The following FGA variants were observed in gnomAD, a reference collection of about 807,000 sequenced individuals.
FGA encodes the protein fibrinogen, A alpha polypeptide.
Under a neutral mutation model 20.3 loss-of-function variants are expected in FGA, and 20 were observed. The ratio of observed to expected loss-of-function variants is 0.99; its 90% CI spans 0.69 to 1.43. The LOEUF (loss-of-function observed/expected upper bound fraction) is 1.43. Among genes scored for constraint, FGA ranks in the 40% most tolerant of loss-of-function variants. The pLI is 0.00. For synonymous variants in FGA, 306 were observed against 281.6 expected (o/e 1.09, Z -0.87); for missense variants, 777 against 784.7 (o/e 0.99, Z 0.12).
At chr4:154,584,592 A>G (rs781425357), downstream of FGA, 10 of 1,613,974 alleles carry the variant, frequency 6.2e-6, no homozygotes, top group Admixed American at 1.2e-4. Context: ...GGAGGTAGTC[A>G]TTGCCTAGCC....
chr4:154,585,564 C>T lies in FGA; in HGVS notation c.1865G>A (p.Gly622Asp). The change falls in exon 5 of 5, where the codon GGC becomes GAC. Residue 622 changes from glycine (G) to aspartate (D), a missense_variant. Transcript: ENST00000403106. ...DHEGTHSTKRGHAKSRPVRGI... is the reference protein window; with the variant it reads ...DHEGTHSTKRDHAKSRPVRGI... ...TCTGACAGGGCGAGATTTAGCATGG[C>T]CTCTCTTGGTGCTATGTGTTCCTTC... 1.2e-6 allele frequency: 2 copies of T among 1,614,134 alleles called. No homozygotes were observed. Among genetic ancestry groups the T allele is most frequent in the Non-Finnish European group, 1.7e-6 (2 of 1,180,002 alleles).
chr4:154,586,943 G>T, intron 4 of FGA, 25 bp from the exon 5 acceptor site: 1 of 1,608,022 alleles, frequency 6.2e-7, no homozygotes, highest in South Asian at 1.1e-5. Context: ...GAAAAATAAA[G>T]AGAAAATGTA....
chr4:154,590,432 C>T (rs1430406064), intron 1 of FGA, among the ~76,000 whole-genome samples: 2 of 152,190 alleles, frequency 1.3e-5, no homozygotes, highest in African/African-American at 4.8e-5. Flanking sequence ...TGTACACTCT[C>T]ATCCATCTAA....
downstream of FGA, chr4:154,584,117 C>A: frequency 6.2e-7 from 1 of 1,607,658 alleles, no homozygotes; most frequent in Non-Finnish European, 8.5e-7. Context: ...ATTCCCACTT[C>A]TTCAGCCTAT....
chr4:154,590,569 C>G, intron 1 of FGA, 65 bp downstream of exon 1: 1 of 1,352,664 alleles, frequency 7.4e-7, no homozygotes, highest in Admixed American at 2.0e-5. Context: ...AGACTCTGAC[C>G]TCCAGGCTCT....
Position 154,585,933 on chromosome 4 carries a change from GTGCCTAAATCCAT to G in FGA, c.1483_1495del (p.Met495HisfsTer5). 1.5e-5 allele frequency: 25 copies of G among 1,614,134 alleles called. No homozygotes were observed. The highest frequency in any genetic ancestry group is 2.0e-5 in the Non-Finnish European group (24 of 1,179,994). ...ATCCAGAGTACCTATGCCAGACAATGTGCCTAAATCCATTGCCTCGGGACAGTCAGAACCATCT... is the reference window on the plus strand; with the variant it reads ...ATCCAGAGTACCTATGCCAGACAATGTGCCTCGGGACAGTCAGAACCATCT... On this transcript the variant is annotated frameshift_variant, in exon 5 of 5. Transcript: ENST00000403106. LOFTEE classifies it low-confidence loss of function (END_TRUNC).
Position 154,585,841 on chromosome 4 carries a change from G to A in FGA, c.1588C>T (p.Pro530Ser), listed in dbSNP as rs2110809145. ...CCTAACATAGGTGAGAAGAAACCTG[G>A]GAATGTTTTTCCAGTTGAGGCAGTG... ...FDTASTGKTF[P>S]GFFSPMLGEF... Residue 530 changes from proline (P) to serine (S), a missense_variant, in exon 5 of 5, where the codon CCA (proline) becomes TCA (serine). Physicochemically the swap from Pro to Ser is moderately conservative, Grantham distance 74. Transcript: ENST00000403106. 6.2e-7 allele frequency: 1 copy of A among 1,614,092 alleles called. No homozygotes were observed. Among genetic ancestry groups the A allele is most frequent in the Admixed American group, 1.7e-5 (1 of 60,010 alleles).
chr4:154,586,649 C>T lies in FGA; in HGVS notation c.780G>A (p.Glu260=), dbSNP rs145563362. The part of the protein sequence containing the change: ...ALTDMPQMRM[E]LERPGGNEIT... ...TCTCATTTCCACCAGGTCTCTCTAA[C>T]TCCATTCTCATCTGCGGCATGTCTG... is the stretch of plus-strand genomic sequence containing the variant. The change falls in exon 5 of 5, where the codon GAG becomes GAA. Residue 260 remains glutamate (E), a synonymous_variant. Coordinates refer to ENST00000403106, the MANE Select transcript of FGA (RefSeq NM_021871.4). 3.9e-4 allele frequency: 625 copies of T among 1,614,232 alleles called. 2 individuals are homozygous for T. In the African/African-American group the frequency reaches 5.0e-3, roughly 13 times the overall value.
chr4:154,587,373 G>T, intron 4 of FGA, 139 bp downstream of exon 4: 1 of 848,776 alleles, frequency 1.2e-6, no homozygotes, highest in Non-Finnish European at 1.9e-6. Flanking sequence ...GTGGAGTGAG[G>T]AAAATAATAC....
Position 154,589,480 on chromosome 4 carries a change from G to T in FGA, c.137C>A (p.Ala46Asp). ...GAAGGGCCAGTCTGAATCTTTGCAG[G>T]CAGATTGATGTCTTTCCACAACCCT... Reference protein sequence around the residue: ...GPRVVERHQSACKDSDWPFCS... With the variant: ...GPRVVERHQSDCKDSDWPFCS... Residue 46 changes from alanine to aspartate, a missense_variant, in exon 2 of 5, where the codon GCC becomes GAC. Coordinates refer to ENST00000403106, the MANE Select transcript of FGA (RefSeq NM_021871.4). 1 of 1,614,074 alleles carries T rather than the reference G, an allele frequency of 6.2e-7. No homozygotes were observed. Among genetic ancestry groups the T allele is most frequent in the Non-Finnish European group, 8.5e-7 (1 of 1,180,004 alleles).
At chr4:154,584,612 C>T (rs1404896169), downstream of FGA, 2 of 1,614,168 alleles carry the variant, frequency 1.2e-6, no homozygotes, top group Admixed American at 1.7e-5. Context: ...CAGAATTCTC[C>T]TTCCCCCTCG....
At chr4:154,584,936 CCTTT>C, downstream of FGA, 2 of 925,432 alleles carry the variant, frequency 2.2e-6, no homozygotes, top group Non-Finnish European at 1.7e-6. Context: ...TCTTTCCCTT[CCTTT>C]CTTTCTTCCT....
At chr4:154,587,798 A>AGAAAGAAAGAAAG (rs1730774488) in intron 3 of FGA, 141 bp from the exon 4 acceptor site, 1 of 749,646 alleles carries the variant, frequency 1.3e-6, no homozygotes, top group Admixed American at 2.7e-5. Flanking sequence ...AAAGAAAGAA[A>AGAAAGAAAGAAAG]GAAAGAGAAA....
chr4:154,587,796 A>AAAGAAAGG (rs1730774085), intron 3 of FGA, 139 bp from the exon 4 acceptor site: 1 of 743,076 alleles, frequency 1.3e-6, no homozygotes, highest in Non-Finnish European at 2.2e-6. Flanking sequence ...AGAAAGAAAG[A>AAAGAAAGG]AAGAAAGAGA....
intron 4 of FGA, 130 bp downstream of exon 4, chr4:154,587,382 A>G: frequency 1.1e-6 from 1 of 890,346 alleles, no homozygotes; most frequent in Non-Finnish European, 1.8e-6. Flanking sequence ...GGAAAATAAT[A>G]CCTACTTTTA....
chr4:154,590,610 A>C, intron 1 of FGA, 24 bp downstream of exon 1: 2 of 1,544,880 alleles, frequency 1.3e-6, no homozygotes, highest in Non-Finnish European at 8.8e-7. Flanking sequence ...AGAAAGCAAG[A>C]AGAAAAAATG....
At position 154,585,718 on chromosome 4, in the gene FGA, G is replaced by A. The variant is rs754425204; in HGVS notation, c.1711C>T (p.Pro571Ser). 2 of 1,614,032 alleles carry A rather than the reference G, an allele frequency of 1.2e-6. No individual in the cohort carries two copies. The highest frequency in any genetic ancestry group is 1.7e-5 in the Admixed American group (1 of 59,988). The change falls in exon 5 of 5, where the codon CCT (proline) becomes TCT (serine). Residue 571 changes from proline to serine, a missense_variant. By Grantham distance (74) the Pro-to-Ser change is moderately conservative. Transcript: ENST00000403106. ...TAACTTGAAGATTTACCACGGGAAG[G>A]GAATTCAGCTATCCCAGGGTGATGA... Reference protein sequence around the residue: ...SSHHPGIAEFPSRGKSSSYSK... With the variant: ...SSHHPGIAEFSSRGKSSSYSK...
At chr4:154,587,277 A>T (rs1043051831) in intron 4 of FGA, among the ~76,000 whole-genome samples, 4 of 152,228 alleles carry the variant, frequency 2.6e-5, no homozygotes, top group Non-Finnish European at 5.9e-5. Context: ...GGAATTAGAC[A>T]GGGACTGAAC....
intron 3 of FGA, among the ~76,000 whole-genome samples, chr4:154,587,985 A>G (rs749665451): frequency 4.6e-5 from 7 of 152,212 alleles, no homozygotes; most frequent in Non-Finnish European, 4.4e-5. Context: ...GAAATATAGA[A>G]GAAGAACTTT....
Sources: allele counts gnomAD v4.1 joint callset (sites outside exome capture counted in the v4.1 genomes callset), GRCh38; gene constraint gnomAD v4.1.1; transcripts MANE v1.5; gene names NCBI Gene and HGNC (gene_info 2026-07-23, HGNC 2026-07-21).